Variants in PPM1E observed in about 807,000 individuals in gnomAD.
PPM1E encodes the protein protein phosphatase 1E.
Under a neutral mutation model 65.9 loss-of-function variants are expected in PPM1E, and 20 were observed. That is an observed-to-expected ratio of 0.30 (90% CI 0.21 to 0.44). The LOEUF (loss-of-function observed/expected upper bound fraction) is 0.44. Ranked by LOEUF, PPM1E falls within the 20% of genes least tolerant of loss-of-function variation. PPM1E has a pLI of 1.00. For synonymous variants in PPM1E, 352 were observed against 374.9 expected (o/e 0.94, Z 0.70); for missense variants, 713 against 953.1 (o/e 0.75, Z 3.32).
At chr17:58,933,075 C>T (rs1173974921) in intron 1 of PPM1E, among the ~76,000 whole-genome samples, 3 of 152,176 alleles carry the variant, frequency 2.0e-5, no homozygotes, top group African/African-American at 7.2e-5. Flanking sequence ...CTATAGCCTA[C>T]GTGTGTAGTA....
intron 1 of PPM1E, among the ~76,000 whole-genome samples, chr17:58,921,263 G>A (rs2051746175): frequency 6.6e-6 from 1 of 152,200 alleles, no homozygotes; most frequent in Admixed American, 6.5e-5. Flanking sequence ...CTGAGGAGGT[G>A]AAATGTTGGT....
At chr17:58,912,748 G>A (rs1207517386) in intron 1 of PPM1E, among the ~76,000 whole-genome samples, 1 of 152,162 alleles carries the variant, frequency 6.6e-6, no homozygotes, top group Admixed American at 6.5e-5. Flanking sequence ...TGGACCATGT[G>A]ATTAAAAGAT....
At chr17:58,955,623 A>G (rs1470435802) in intron 1 of PPM1E, 26 bp from the exon 2 acceptor site, 1 of 1,611,202 alleles carries the variant, frequency 6.2e-7, no homozygotes, top group Admixed American at 1.7e-5. Context: ...TTTGCTGAAA[A>G]TGGCCTTTTA....
intron 1 of PPM1E, among the ~76,000 whole-genome samples, chr17:58,782,860 A>T (rs1311414068): frequency 6.6e-6 from 1 of 152,198 alleles, no homozygotes; most frequent in Non-Finnish European, 1.5e-5. Context: ...ATATTCAGAA[A>T]CAGGAATATG....
intron 1 of PPM1E, among the ~76,000 whole-genome samples, chr17:58,883,632 C>T (rs999920317): frequency 1.3e-5 from 2 of 150,718 alleles, no homozygotes; most frequent in African/African-American, 2.4e-5. Flanking sequence ...TACAGGCGCC[C>T]GCCACCACGC....
At chr17:58,844,295 A>T (rs931729591) in intron 1 of PPM1E, among the ~76,000 whole-genome samples, 4 of 152,156 alleles carry the variant, frequency 2.6e-5, no homozygotes, top group African/African-American at 9.7e-5. Flanking sequence ...TATAAAAAAA[A>T]TTATAACTAA....
chr17:58,980,925 C>T lies in PPM1E; in HGVS notation c.2162C>T (p.Pro721Leu), dbSNP rs2031320392. The T allele has an allele frequency of 6.2e-7, 1 of 1,614,118 alleles. No homozygotes were observed. Among genetic ancestry groups the T allele is most frequent in the Non-Finnish European group, 8.5e-7 (1 of 1,179,996 alleles). Residue 721 changes from proline to leucine, a missense_variant, in exon 7 of 7, where the codon CCA (proline) becomes CTA (leucine). Transcript: ENST00000308249. The surrounding 1 kb of genome is among the most constrained non-coding windows in gnomAD (Gnocchi z 4.7). Reference protein sequence around the residue: ...GKRNRIRSSLPWRQNSWKGYS... With the variant: ...GKRNRIRSSLLWRQNSWKGYS... ...AGAAATAGGATAAGAAGTTCTCTGC[C>T]ATGGAGGCAAAATAGTTGGAAAGGG...
At chr17:58,953,758 T>TC (rs991012689) in intron 1 of PPM1E, among the ~76,000 whole-genome samples, 2 of 151,750 alleles carry the variant, frequency 1.3e-5, no homozygotes, top group African/African-American at 4.8e-5. Flanking sequence ...TTTTTTTTTT[T>TC]TTTTTGAGAC....
chr17:58,846,498 T>C (rs7350946), intron 1 of PPM1E, among the ~76,000 whole-genome samples: 151,605 of 152,258 alleles, frequency 1, 75,480 homozygotes, highest in Middle Eastern at 1. Flanking sequence ...TCAATTCCCA[T>C]GTATGAGTGA....
intron 1 of PPM1E, among the ~76,000 whole-genome samples, chr17:58,917,285 TTTG>T (rs1367522604): frequency 2.6e-5 from 4 of 151,996 alleles, no homozygotes; most frequent in Admixed American, 2.6e-4. Flanking sequence ...TGAGGTGTTT[TTTG>T]TTTTTTGTTT....
chr17:58,769,463 G>A (rs962761212), intron 1 of PPM1E, among the ~76,000 whole-genome samples: 8 of 152,032 alleles, frequency 5.3e-5, no homozygotes, highest in Non-Finnish European at 1.2e-4. Context: ...TGGGCATGGC[G>A]GTGTGTACCT....
intron 6 of PPM1E, 84 bp downstream of exon 6, chr17:58,973,009 A>G: frequency 1.2e-6 from 1 of 805,892 alleles, no homozygotes; most frequent in Non-Finnish European, 2.0e-6. Context: ...GGAACCTGAG[A>G]TGATAATTTA....
rs116914620 is a variant in PPM1E at position 58,765,531 on chromosome 17, A to G, written c.464+9070A>G. On this transcript the variant is annotated intron_variant, in intron 1 of 6. Coordinates refer to ENST00000308249, the MANE Select transcript of PPM1E (RefSeq NM_014906.5). Reference sequence around the variant, plus strand: ...TGTGAATTATTTGAGAATATTGTGAACAATGACAAGTTTGAAGTATAATAC... The same window carrying G: ...TGTGAATTATTTGAGAATATTGTGAGCAATGACAAGTTTGAAGTATAATAC... 1.2e-4 allele frequency among the ~76,000 whole-genome samples: 18 copies of G among 152,248 alleles called. No homozygotes were observed. In the East Asian group the frequency reaches 3.5e-3, roughly 29 times the overall value.
At chr17:58,837,328 C>T (rs58472781) in intron 1 of PPM1E, among the ~76,000 whole-genome samples, 1,292 of 97,892 alleles carry the variant, frequency 0.013, 24 homozygotes, top group African/African-American at 0.039. Flanking sequence ...ATAACACACA[C>T]ACATACACAC....
chr17:58,895,192 T>C (rs950977698), intron 1 of PPM1E, among the ~76,000 whole-genome samples: 2 of 152,196 alleles, frequency 1.3e-5, no homozygotes, highest in Non-Finnish European at 2.9e-5. Flanking sequence ...TAATAAATAT[T>C]GTGTGTTCTG....
chr17:58,935,221 G>A (rs577990227), intron 1 of PPM1E, among the ~76,000 whole-genome samples: 17 of 148,484 alleles, frequency 1.1e-4, no homozygotes, highest in Non-Finnish European at 2.2e-4. Context: ...ACGCACTCCA[G>A]CCTGGGCGAC....
rs2031339809 is a variant in PPM1E, at chr17:58,981,220, G to A, written c.*189G>A. Reference sequence around the variant, plus strand: ...TTCAATCTAAAAAGAAGTATTGGCAGTTTCACTTGCAAAATTACACAGCTG... The same window carrying A: ...TTCAATCTAAAAAGAAGTATTGGCAATTTCACTTGCAAAATTACACAGCTG... On this transcript the variant is annotated 3_prime_UTR_variant, in exon 7 of 7. Coordinates refer to ENST00000308249, the MANE Select transcript of PPM1E (RefSeq NM_014906.5). 2 of 540,804 alleles carry A rather than the reference G, an allele frequency of 3.7e-6. No individual in the cohort carries two copies. Among genetic ancestry groups the A allele is most frequent in the South Asian group, 2.8e-5 (1 of 35,412 alleles). The allele number at this position is 540,804 out of a possible 1,614,324, so 33.5% of individuals were successfully genotyped here. A position where few individuals can be genotyped will look rare whatever the true frequency, so the allele number is the denominator to read the frequency against.
intron 1 of PPM1E, among the ~76,000 whole-genome samples, chr17:58,829,288 TGCCTCG>T (rs1052759518): frequency 1.3e-5 from 2 of 152,156 alleles, no homozygotes; most frequent in Admixed American, 6.6e-5. Flanking sequence ...GTGATCCGTC[TGCCTCG>T]GCCTCCCAAA....
intron 1 of PPM1E, among the ~76,000 whole-genome samples, chr17:58,866,182 T>TAGCCAAAG (rs2051001525): frequency 1.3e-5 from 2 of 152,206 alleles, no homozygotes; most frequent in African/African-American, 2.4e-5. Flanking sequence ...TTTTCTTGAT[T>TAGCCAAAG]AGATTACTAA....
Sources: gnomAD v4.1 joint callset for allele counts (sites outside exome capture counted in the v4.1 genomes callset) on GRCh38, gnomAD v4.1.1 for gene constraint, Gnocchi (gnomAD v3.1) non-coding constraint, MANE v1.5 for transcripts, NCBI Gene and HGNC (gene_info 2026-07-23, HGNC 2026-07-21) for gene names.